Variants in HEATR1 observed in about 807,000 individuals in gnomAD.
HEATR1 encodes HEAT repeat-containing protein 1.
Under a neutral mutation model 248.2 loss-of-function variants are expected in HEATR1, and 77 were observed. The ratio of observed to expected loss-of-function variants is 0.31; its 90% CI spans 0.26 to 0.37. HEATR1 has a LOEUF of 0.37. Among genes scored for constraint, HEATR1 ranks in the 10% least tolerant of loss-of-function variants. The pLI, the probability that HEATR1 is intolerant of heterozygous loss-of-function variation, is 1.00. For synonymous variants in HEATR1, 897 were observed against 923.1 expected (o/e 0.97, Z 0.51); for missense variants, 2,420 against 2,504.9 (o/e 0.97, Z 0.72).
intron 2 of HEATR1, 44 bp from the exon 3 acceptor site, chr1:236,603,420 G>A (rs1572057481): frequency 6.7e-7 from 1 of 1,501,254 alleles, no homozygotes; most frequent in Non-Finnish European, 9.2e-7. Flanking sequence ...TTCTTCGTAA[G>A]CAAATTCATC....
At chr1:236,563,653 C>T (rs1405653718) in intron 32 of HEATR1, among the ~76,000 whole-genome samples, 1 of 152,206 alleles carries the variant, frequency 6.6e-6, no homozygotes, top group East Asian at 1.9e-4. Flanking sequence ...CCTTCTTCAT[C>T]TGTTAACGCA....
In HEATR1 at chr1:236,553,614, C is replaced by A; in HGVS notation, c.6204G>T (p.Gln2068His). The A allele has an allele frequency of 6.2e-7, 1 of 1,614,040 alleles. No individual in the cohort carries two copies. Among genetic ancestry groups the A allele is most frequent in the South Asian group, 1.1e-5 (1 of 91,044 alleles). Reference sequence around the variant, plus strand: ...AGGAGTCTCTCGTCTTTAGCAGAATCTGGTAGTTCAGTGGTTTCCAAAGAG... The same window carrying A: ...AGGAGTCTCTCGTCTTTAGCAGAATATGGTAGTTCAGTGGTTTCCAAAGAG... The part of the protein sequence containing the change: ...DDSLWKPLNY[Q>H]ILLKTRDSSP... The change falls in exon 43 of 45, where the codon CAG becomes CAT. Residue 2068 changes from glutamine (Q) to histidine (H), a missense_variant. By Grantham distance (24) the Gln-to-His change is conservative (BLOSUM62 0). Coordinates refer to ENST00000366582, the MANE Select transcript of HEATR1 (RefSeq NM_018072.6).
At position 236,574,806 on chromosome 1, in the gene HEATR1, T is replaced by C. The variant is rs1380599136; in HGVS notation, c.3182A>G (p.His1061Arg). ...TTCATTATACTTTCCCAGAGTGAGA[T>C]GCAGAACCATGGCCTCATCTTTCAG... ...AVLKDEAMVL[H>R]LTLGKYNEFS... Residue 1061 changes from histidine to arginine, a missense_variant, in exon 23 of 45, where the codon CAT becomes CGT. By Grantham distance (29) the His-to-Arg change is conservative (BLOSUM62 0). Coordinates refer to ENST00000366582, the MANE Select transcript of HEATR1 (RefSeq NM_018072.6). 6.2e-7 allele frequency: 1 copy of C among 1,613,944 alleles called. No individual in the cohort carries two copies. The highest frequency in any genetic ancestry group is 1.3e-5 in the African/African-American group (1 of 74,928).
chr1:236,564,533 A>G lies in HEATR1; in HGVS notation c.4564T>C (p.Ser1522Pro). 6.2e-7 allele frequency: 1 copy of G among 1,613,928 alleles called. No individual in the cohort carries two copies. Among genetic ancestry groups the G allele is most frequent in the Non-Finnish European group, 8.5e-7 (1 of 1,179,996 alleles). ...HFKFLSVSFM[S>P]QLLSSNNFLK... ...AAATTATTGGAAGACAGGAGCTGAG[A>G]CATGAAGGACACTGACAAAAATTTA... Residue 1522 changes from serine to proline, a missense_variant, in exon 32 of 45, where the codon TCT becomes CCT. Coordinates refer to ENST00000366582, the MANE Select transcript of HEATR1 (RefSeq NM_018072.6).
At position 236,574,870 on chromosome 1, in the gene HEATR1, G is replaced by C; in HGVS notation, c.3118C>G (p.Gln1040Glu). 6.2e-7 allele frequency: 1 copy of C among 1,613,686 alleles called. No individual in the cohort carries two copies. Among genetic ancestry groups the C allele is most frequent in the African/African-American group, 1.3e-5 (1 of 74,994 alleles). Reference sequence around the variant, plus strand: ...TCCTTCTGGATCTTTTCTAGCAGTTGTTCAGCCATAGGCAATAGCTGAGAA... The same window carrying C: ...TCCTTCTGGATCTTTTCTAGCAGTTCTTCAGCCATAGGCAATAGCTGAGAA... Reference protein sequence around the residue: ...VLSQLLPMAEQLLEKIQKEPT... With the variant: ...VLSQLLPMAEELLEKIQKEPT... The change falls in exon 23 of 45, where the codon CAA (glutamine) becomes GAA (glutamate). Residue 1040 changes from glutamine (Q) to glutamate (E), a missense_variant. Coordinates refer to ENST00000366582, the MANE Select transcript of HEATR1 (RefSeq NM_018072.6).
chr1:236,555,586 G>A lies in HEATR1; in HGVS notation c.5719C>T (p.Leu1907Phe), dbSNP rs1281405216. ...IDCLVAMVVK[L>F]SEVTFRPLFF... ...AGGGGCCTGAATGTGACCTCGGAAA[G>A]TTTGACAACCATGGCTACTAGACAG... Residue 1907 changes from leucine to phenylalanine, a missense_variant, in exon 40 of 45, where the codon CTT becomes TTT. By Grantham distance (22) the Leu-to-Phe change is conservative (BLOSUM62 0). Transcript: ENST00000366582. The A allele has an allele frequency of 1.2e-6, 2 of 1,614,112 alleles. No homozygotes were observed. The highest frequency in any genetic ancestry group is 8.5e-7 in the Non-Finnish European group (1 of 1,180,052).
Position 236,554,732 on chromosome 1 carries a change from C to G in HEATR1, c.5944G>C (p.Glu1982Gln). 1 of 1,609,510 alleles carries G rather than the reference C, an allele frequency of 6.2e-7. No individual in the cohort carries two copies. The highest frequency in any genetic ancestry group is 8.5e-7 in the Non-Finnish European group (1 of 1,178,720). ...SKTDEAFFDSENDPEKCCLLL... is the reference protein window; with the variant it reads ...SKTDEAFFDSQNDPEKCCLLL... ...AAGCAGCACTTTTCAGGGTCATTTT[C>G]AGAGTCAAAAAATGCTTCATCTGTA... The change falls in exon 42 of 45, where the codon GAA becomes CAA. Residue 1982 changes from glutamate (E) to glutamine (Q), a missense_variant. Transcript: ENST00000366582.
chr1:236,549,905 GCT>G lies in HEATR1; in HGVS notation c.*995_*996del, dbSNP rs1662639520. On this transcript the variant is annotated 3_prime_UTR_variant, in exon 45 of 45. Coordinates refer to ENST00000366582, the MANE Select transcript of HEATR1 (RefSeq NM_018072.6). ...GAAATATGCACTTCTATACTAGCAA[GCT>G]CTGTCTCTAAAATGCAAGTTGGCCT... 1 of 152,168 alleles carries G rather than the reference GCT, an allele frequency of 6.6e-6. No homozygotes were observed. Among genetic ancestry groups the G allele is most frequent in the Non-Finnish European group, 1.5e-5 (1 of 68,036 alleles). 9.4% of individuals were successfully genotyped at this position (152,168 alleles called of 1,614,324 possible). A position where few individuals can be genotyped will look rare whatever the true frequency, so the allele number is the denominator to read the frequency against.
intron 20 of HEATR1, among the ~76,000 whole-genome samples, chr1:236,577,510 T>C (rs1663596609): frequency 2.1e-5 from 3 of 143,688 alleles, no homozygotes. Flanking sequence ...TTTTTTCAGA[T>C]GGAGTTTTCC....
intron 34 of HEATR1, among the ~76,000 whole-genome samples, 196 bp downstream of exon 34, chr1:236,559,518 C>T (rs1274737795): frequency 2.0e-5 from 3 of 152,146 alleles, no homozygotes; most frequent in African/African-American, 4.8e-5. Context: ...TACATGTTCT[C>T]ATAACTGGTA....
Position 236,569,112 on chromosome 1 carries a change from G to A in HEATR1, c.3961C>T (p.His1321Tyr). Reference sequence around the variant, plus strand: ...AATGTAAAAATAGACATGATATTGTGTAAAACTTTATCCTGAAAGAAAACA... The same window carrying A: ...AATGTAAAAATAGACATGATATTGTATAAAACTTTATCCTGAAAGAAAACA... ...VAGIFPDKVL[H>Y]NIMSIFTFMG... The change falls in exon 29 of 45, where the codon CAC becomes TAC. Residue 1321 changes from histidine to tyrosine, a missense_variant. Physicochemically the swap from His to Tyr is moderately conservative, Grantham distance 83. Coordinates refer to ENST00000366582, the MANE Select transcript of HEATR1 (RefSeq NM_018072.6). 6.3e-7 allele frequency: 1 copy of A among 1,583,432 alleles called. No homozygotes were observed.
intron 3 of HEATR1, among the ~76,000 whole-genome samples, chr1:236,599,866 A>AT (rs1664271262): frequency 6.6e-6 from 1 of 152,170 alleles, no homozygotes; most frequent in South Asian, 2.1e-4. Context: ...CAAAATATAC[A>AT]TCCCATTAAC....
At position 236,594,012 on chromosome 1, in the gene HEATR1, C is replaced by G. The variant is rs1572052670; in HGVS notation, c.1193G>C (p.Ser398Thr). 2 of 1,565,060 alleles carry G rather than the reference C, an allele frequency of 1.3e-6. No individual in the cohort carries two copies. The highest frequency in any genetic ancestry group is 2.8e-5 in the African/African-American group (2 of 72,608). Residue 398 changes from serine to threonine, a missense_variant and splice_region_variant, in exon 9 of 45, where the codon AGC becomes ACC. Transcript: ENST00000366582. ...LKNNLDHLLA[S>T]LLFEEYISYS... ...AAGCATGTCAAAAATAATAGCTTAC[C>G]TAGCCAACAAATGGTCTAAGTTGTT...
intron 33 of HEATR1, 36 bp from the exon 34 acceptor site, chr1:236,559,873 G>A (rs1446402753): frequency 5.1e-6 from 8 of 1,571,800 alleles, no homozygotes; most frequent in Non-Finnish European, 6.9e-6. Context: ...AACGGCAGCT[G>A]AAGGCACTCA....
intron 8 of HEATR1, among the ~76,000 whole-genome samples, chr1:236,594,959 C>T (rs370114108): frequency 1.3e-4 from 20 of 151,920 alleles, no homozygotes; most frequent in Admixed American, 9.8e-4. Context: ...TCACCATGCC[C>T]GGTTAATTTT....
Position 236,566,835 on chromosome 1 carries a change from T to G in HEATR1, c.4119A>C (p.Glu1373Asp). Residue 1373 changes from glutamate to aspartate, a missense_variant, in exon 30 of 45, where the codon GAA becomes GAC. Coordinates refer to ENST00000366582, the MANE Select transcript of HEATR1 (RefSeq NM_018072.6). ...CACTAATGATTTTTACCACAATCTCTTCAACGTTTCTTGAAACTTCTATAG... is the reference window on the plus strand; with the variant it reads ...CACTAATGATTTTTACCACAATCTCGTCAACGTTTCTTGAAACTTCTATAG... ...GDSIEVSRNVEEIVVKIISVF... is the reference protein window; with the variant it reads ...GDSIEVSRNVDEIVVKIISVF... 6.2e-7 allele frequency: 1 copy of G among 1,614,082 alleles called. No individual in the cohort carries two copies. The highest frequency in any genetic ancestry group is 1.6e-4 in the Middle Eastern group (1 of 6,062).
At chr1:236,587,565 T>TA (rs1663928675) in intron 13 of HEATR1, 75 bp from the exon 14 acceptor site, 1 of 572,970 alleles carries the variant, frequency 1.7e-6, no homozygotes. Flanking sequence ...ATGCGAATTT[T>TA]AAAAAGAATG....
chr1:236,549,629 T>C lies in HEATR1; in HGVS notation c.*1273A>G, dbSNP rs1218307540. The C allele has an allele frequency of 1.3e-5, 2 of 152,144 alleles. No homozygotes were observed. Among genetic ancestry groups the C allele is most frequent in the Non-Finnish European group, 2.9e-5 (2 of 68,038 alleles). The allele number at this position is 152,144 out of a possible 1,614,324, so 9.4% of individuals were successfully genotyped here. On this transcript the variant is annotated 3_prime_UTR_variant, in exon 45 of 45. Coordinates refer to ENST00000366582, the MANE Select transcript of HEATR1 (RefSeq NM_018072.6). ...GTCTCACCAAGCTCAAAGACACTGGTTGGGGGTGGAGGGTGCCACAGGGAA... is the reference window on the plus strand; with the variant it reads ...GTCTCACCAAGCTCAAAGACACTGGCTGGGGGTGGAGGGTGCCACAGGGAA...
intron 28 of HEATR1, among the ~76,000 whole-genome samples, 180 bp from the exon 29 acceptor site, chr1:236,569,304 T>A (rs538401336): frequency 6.6e-6 from 1 of 152,264 alleles, no homozygotes; most frequent in East Asian, 1.9e-4. Context: ...GCCTCCTGAG[T>A]AGCTAGGACT....
Sources: gnomAD v4.1 joint callset for allele counts (sites outside exome capture counted in the v4.1 genomes callset) on GRCh38, gnomAD v4.1.1 for gene constraint, MANE v1.5 for transcripts, NCBI Gene and HGNC (gene_info 2026-07-23, HGNC 2026-07-21) for gene names.